The following TRPC4 variants were observed in gnomAD, a reference collection of about 807,000 sequenced individuals.
TRPC4 encodes transient receptor potential cation channel subfamily C member 4.
Under a neutral mutation model 99.4 loss-of-function variants are expected in TRPC4, and 49 were observed. The observed-to-expected ratio is 0.49, with a 90% CI of 0.39 to 0.63. The LOEUF is 0.63. Ranked by LOEUF, TRPC4 falls within the 20% of genes least tolerant of loss-of-function variation. TRPC4 has a pLI of 0.00. For synonymous variants in TRPC4, 454 were observed against 425.9 expected (o/e 1.07, Z -0.81); for missense variants, 898 against 1,152.9 (o/e 0.78, Z 3.20).
intron 3 of TRPC4, among the ~76,000 whole-genome samples, chr13:37,715,785 C>G (rs1449383173): frequency 6.6e-6 from 1 of 152,134 alleles, no homozygotes; most frequent in Admixed American, 6.5e-5. Flanking sequence ...GCGAAATCTA[C>G]CAGTTGAAAT....
intron 3 of TRPC4, among the ~76,000 whole-genome samples, chr13:37,733,839 TAAAC>T (rs1366720749): frequency 6.6e-6 from 1 of 152,072 alleles, no homozygotes; most frequent in African/African-American, 2.4e-5. Flanking sequence ...AGACAATAAA[TAAAC>T]ACACAAATAA....
intron 6 of TRPC4, among the ~76,000 whole-genome samples, chr13:37,655,672 T>A (rs1952203925): frequency 6.6e-6 from 1 of 152,070 alleles, no homozygotes; most frequent in South Asian, 2.1e-4. Context: ...CATCTCTATA[T>A]CCATAAATAA....
intron 2 of TRPC4, among the ~76,000 whole-genome samples, chr13:37,769,147 C>A (rs1274037407): frequency 1.3e-5 from 2 of 151,262 alleles, no homozygotes; most frequent in Non-Finnish European, 3.0e-5. Flanking sequence ...AAACTATAAT[C>A]CACTGAAAAG....
At chr13:37,867,681 AC>A (rs1391013385) in intron 1 of TRPC4, among the ~76,000 whole-genome samples, 1 of 152,118 alleles carries the variant, frequency 6.6e-6, no homozygotes, top group Admixed American at 6.5e-5. Context: ...CTTAGTTATT[AC>A]AGTGAAGTTT....
At chr13:37,799,285 C>A (rs1957335910) in intron 1 of TRPC4, among the ~76,000 whole-genome samples, 1 of 152,118 alleles carries the variant, frequency 6.6e-6, no homozygotes, top group South Asian at 2.1e-4. Context: ...GTGCCCTTAG[C>A]CTCTAGCAAT....
intron 1 of TRPC4, among the ~76,000 whole-genome samples, chr13:37,858,584 C>T (rs1593332794): frequency 1.3e-5 from 2 of 151,672 alleles, no homozygotes; most frequent in South Asian, 4.1e-4. Context: ...CAATGAAGTA[C>T]TATTCAGCTA....
intron 3 of TRPC4, among the ~76,000 whole-genome samples, chr13:37,732,002 G>A (rs1054678315): frequency 3.9e-5 from 6 of 152,100 alleles, no homozygotes; most frequent in African/African-American, 7.2e-5. Flanking sequence ...CTGCCATCAA[G>A]GTATTATACA....
intron 1 of TRPC4, among the ~76,000 whole-genome samples, chr13:37,859,737 A>G (rs1413669120): frequency 6.6e-6 from 1 of 151,444 alleles, no homozygotes; most frequent in Non-Finnish European, 1.5e-5. Context: ...ACTAAAGAGA[A>G]CTCTTAATCT....
chr13:37,802,103 T>A (rs1957422138), intron 1 of TRPC4, among the ~76,000 whole-genome samples: 1 of 152,178 alleles, frequency 6.6e-6, no homozygotes, highest in Non-Finnish European at 1.5e-5. Flanking sequence ...TTTCACTGTT[T>A]TCTTTAACTT....
chr13:37,726,145 G>A (rs1269037980), intron 3 of TRPC4, among the ~76,000 whole-genome samples: 1 of 151,540 alleles, frequency 6.6e-6, no homozygotes, highest in Non-Finnish European at 1.5e-5. Context: ...GCAGTGAGCC[G>A]AGATCGTACC....
At chr13:37,805,609 T>C (rs1957511004) in intron 1 of TRPC4, among the ~76,000 whole-genome samples, 1 of 152,068 alleles carries the variant, frequency 6.6e-6, no homozygotes, top group South Asian at 2.1e-4. Context: ...TTTTCTTCTT[T>C]TGTAGGGTAT....
intron 3 of TRPC4, among the ~76,000 whole-genome samples, chr13:37,702,618 T>C (rs1954136135): frequency 6.6e-6 from 1 of 152,124 alleles, no homozygotes; most frequent in South Asian, 2.1e-4. Flanking sequence ...TTCCTCTACC[T>C]CTTATATCAT....
intron 4 of TRPC4, among the ~76,000 whole-genome samples, chr13:37,682,469 A>G (rs1012628753): frequency 1.3e-5 from 2 of 152,202 alleles, no homozygotes; most frequent in African/African-American, 4.8e-5. Flanking sequence ...CTGGACCTCT[A>G]AGAGGCACTC....
intron 1 of TRPC4, among the ~76,000 whole-genome samples, chr13:37,848,622 A>ACACCCTCATCCCATCATCTGGAGAAACT (rs1958974404): frequency 1.3e-5 from 2 of 152,124 alleles, no homozygotes; most frequent in Non-Finnish European, 2.9e-5. Flanking sequence ...TGACACACAC[A>ACACCCTCATCCCATCATCTGGAGAAACT]CACCCTCATC....
At chr13:37,699,167 C>G (rs554320425) in intron 3 of TRPC4, among the ~76,000 whole-genome samples, 21 of 152,054 alleles carry the variant, frequency 1.4e-4, no homozygotes, top group Admixed American at 8.5e-4. Context: ...AAATACTTAT[C>G]TCATAGGGTT....
At chr13:37,729,526 G>T (rs1955176232) in intron 3 of TRPC4, among the ~76,000 whole-genome samples, 1 of 152,074 alleles carries the variant, frequency 6.6e-6, no homozygotes. Flanking sequence ...AAGAATATTT[G>T]TATTCTCATT....
chr13:37,699,814 G>A (rs1566106042), intron 3 of TRPC4, among the ~76,000 whole-genome samples: 1 of 152,198 alleles, frequency 6.6e-6, no homozygotes, highest in African/African-American at 2.4e-5. Flanking sequence ...TATGATGATA[G>A]TGTTGGTGAG....
intron 1 of TRPC4, among the ~76,000 whole-genome samples, chr13:37,815,866 C>T (rs903954788): frequency 6.7e-6 from 1 of 148,172 alleles, no homozygotes; most frequent in Non-Finnish European, 1.5e-5. Context: ...TCCAATTGTA[C>T]CTGAAACAAT....
In TRPC4 at chr13:37,636,473, G is replaced by C. The variant is rs779088970; in HGVS notation, c.*430C>G. Reference sequence around the variant, plus strand: ...CTGTAGGACTAGGTGAAAAGTCCTTGGTGAGTAACCCTCTCTAAAGACCCT... The same window carrying C: ...CTGTAGGACTAGGTGAAAAGTCCTTCGTGAGTAACCCTCTCTAAAGACCCT... On this transcript the variant is annotated 3_prime_UTR_variant, in exon 11 of 11. Coordinates refer to ENST00000379705, the MANE Select transcript of TRPC4 (RefSeq NM_016179.4). 1.3e-5 allele frequency among the ~76,000 whole-genome samples: 2 copies of C among 152,176 alleles called. No homozygotes were observed. The highest frequency in any genetic ancestry group is 6.6e-5 in the Admixed American group (1 of 15,248).
Sources: allele counts gnomAD v4.1 joint callset (sites outside exome capture counted in the v4.1 genomes callset), GRCh38; gene constraint gnomAD v4.1.1; transcripts MANE v1.5; gene names NCBI Gene and HGNC (gene_info 2026-07-23, HGNC 2026-07-21).